Variants in ST8SIA1 observed in about 807,000 individuals in gnomAD.
The protein encoded by ST8SIA1 is ST8 alpha-N-acetyl-neuraminide alpha-2,8-sialyltransferase 1, also known as alpha-N-acetylneuraminide alpha-2,8-sialyltransferase.
A neutral mutation model predicts 35.9 loss-of-function variants in ST8SIA1; 16 were observed. That is an observed-to-expected ratio of 0.45 (90% confidence interval 0.30 to 0.68). The LOEUF (loss-of-function observed/expected upper bound fraction) is 0.68. ST8SIA1 is among the 30% of genes least tolerant of loss of function. The probability of loss-of-function intolerance (pLI) is 0.09; values close to 1 mark genes in which losing one functional copy is unlikely to be tolerated. For missense variants in ST8SIA1, 383 were observed against 453.6 expected (o/e 0.84, Z 1.41); for synonymous variants, 170 against 169.6 (o/e 1.00, Z -0.02).
intron 1 of ST8SIA1, among the ~76,000 whole-genome samples, chr12:22,293,640 C>G (rs1209673647): frequency 6.6e-6 from 1 of 152,214 alleles, no homozygotes; most frequent in East Asian, 1.9e-4. Context: ...AGATATAAAT[C>G]ACTTAGCACA....
chr12:22,298,044 A>C (rs1866268985), intron 1 of ST8SIA1, among the ~76,000 whole-genome samples: 1 of 152,154 alleles, frequency 6.6e-6, no homozygotes, highest in African/African-American at 2.4e-5. Context: ...TAAAAACCCA[A>C]ATTGGCAGGA....
chr12:22,280,996 G>C (rs1248409170), intron 2 of ST8SIA1, among the ~76,000 whole-genome samples: 1 of 152,058 alleles, frequency 6.6e-6, no homozygotes, highest in South Asian at 2.1e-4. Context: ...TATGTTTCCC[G>C]AAATCCCAGC....
chr12:22,226,998 G>A (rs904376938), intron 4 of ST8SIA1, among the ~76,000 whole-genome samples: 30 of 152,058 alleles, frequency 2.0e-4, no homozygotes, highest in African/African-American at 6.8e-4. Context: ...CCAGGCTGGA[G>A]TGCAGTGGCA....
chr12:22,300,712 G>C (rs1332913115), intron 1 of ST8SIA1, among the ~76,000 whole-genome samples: 2 of 152,076 alleles, frequency 1.3e-5, no homozygotes, highest in African/African-American at 4.8e-5. Flanking sequence ...TTTTGTTTAA[G>C]TGAATGACTT....
intron 4 of ST8SIA1, chr12:22,223,793 T>C (rs575786917): frequency 8.1e-5 from 101 of 1,252,094 alleles, no homozygotes; most frequent in Non-Finnish European, 1.0e-4. Context: ...AACCCATTTA[T>C]GCTTAGGCTA....
chr12:22,304,873 T>G (rs1360560868), intron 1 of ST8SIA1, among the ~76,000 whole-genome samples: 1 of 152,186 alleles, frequency 6.6e-6, no homozygotes, highest in African/African-American at 2.4e-5. Flanking sequence ...TATGGTAGAT[T>G]TGTATAATTT....
chr12:22,217,909 T>C (rs993987782), intron 4 of ST8SIA1, among the ~76,000 whole-genome samples: 6 of 152,240 alleles, frequency 3.9e-5, no homozygotes, highest in African/African-American at 1.4e-4. Context: ...TGCATTTGTT[T>C]ATATAGGCAT....
In ST8SIA1 at chr12:22,281,262, A is replaced by G. The variant is rs548063455; in HGVS notation, c.381+5887T>C. 7.2e-5 allele frequency among the ~76,000 whole-genome samples: 11 copies of G among 152,344 alleles called. No homozygotes were observed. In the East Asian group the frequency reaches 1.9e-3, roughly 27 times the overall value. ...TTACTCATAATAATGATACTGAAATATAAAGACCAGGTATTATTTGTCCCA... is the reference window on the plus strand; with the variant it reads ...TTACTCATAATAATGATACTGAAATGTAAAGACCAGGTATTATTTGTCCCA... On this transcript the variant is annotated intron_variant, in intron 2 of 4. Transcript: ENST00000396037.
rs939145187 is a variant in ST8SIA1, at chr12:22,334,573, C to T, written c.-341G>A. On this transcript the variant is annotated 5_prime_UTR_variant, in exon 1 of 5. The change creates a new upstream start codon in the 5' untranslated region. Transcript: ENST00000396037. Reference sequence around the variant, plus strand: ...CGCTCCCGCCGGTTCTGCAGCATCACGGTCGCCCTCGGCGAGGGTCCGGGA... The same window carrying T: ...CGCTCCCGCCGGTTCTGCAGCATCATGGTCGCCCTCGGCGAGGGTCCGGGA... The T allele has an allele frequency of 5.8e-6, 2 of 346,308 alleles. No homozygotes were observed. Among genetic ancestry groups the T allele is most frequent in the Non-Finnish European group, 1.1e-5 (2 of 186,206 alleles). The allele number at this position is 346,308 out of a possible 1,614,324, so 21.5% of individuals were successfully genotyped here. A position where few individuals can be genotyped will look rare whatever the true frequency, so the allele number is the denominator to read the frequency against.
chr12:22,258,419 A>G (rs1348651115), intron 2 of ST8SIA1, among the ~76,000 whole-genome samples: 1 of 151,974 alleles, frequency 6.6e-6, no homozygotes, highest in African/African-American at 2.4e-5. Context: ...AAGTCAGGAG[A>G]CTGGATGGTG....
At chr12:22,260,641 T>TA (rs1387794681) in intron 2 of ST8SIA1, among the ~76,000 whole-genome samples, 1 of 152,130 alleles carries the variant, frequency 6.6e-6, no homozygotes, top group Non-Finnish European at 1.5e-5. Flanking sequence ...CAAGGCATGA[T>TA]AAAAAACCAT....
intron 4 of ST8SIA1, among the ~76,000 whole-genome samples, chr12:22,218,852 A>AAAAAG (rs1352229818): frequency 5.9e-5 from 9 of 151,802 alleles, no homozygotes; most frequent in Admixed American, 5.9e-4. Flanking sequence ...AAATAAAATA[A>AAAAAG]AAAAGAAATA....
At chr12:22,255,134 G>A in intron 3 of ST8SIA1, 146 bp downstream of exon 3, 2 of 669,872 alleles carry the variant, frequency 3.0e-6, no homozygotes, top group Admixed American at 2.5e-5. Context: ...TCCTAAACTC[G>A]CTTGTCTATG....
chr12:22,217,369 TA>T (rs1222484945), intron 4 of ST8SIA1, among the ~76,000 whole-genome samples: 1 of 152,164 alleles, frequency 6.6e-6, no homozygotes. Flanking sequence ...ACCATTTAAG[TA>T]AAAAAATGGA....
intron 2 of ST8SIA1, among the ~76,000 whole-genome samples, chr12:22,277,777 A>G (rs544833828): frequency 6.6e-6 from 1 of 152,202 alleles, no homozygotes; most frequent in South Asian, 2.1e-4. Context: ...GGAAATATTT[A>G]TGAAATAAAC....
chr12:22,210,565 A>T (rs571552033), intron 4 of ST8SIA1, among the ~76,000 whole-genome samples: 29 of 152,250 alleles, frequency 1.9e-4, no homozygotes, highest in African/African-American at 5.5e-4. Flanking sequence ...ACCCCACAAG[A>T]CACCCTTCAA....
At chr12:22,226,949 T>TTTG (rs567493377) in intron 4 of ST8SIA1, among the ~76,000 whole-genome samples, 15 of 152,056 alleles carry the variant, frequency 9.9e-5, no homozygotes, top group African/African-American at 3.4e-4. Context: ...TGTTTGTTTG[T>TTTG]TTGTTGTTGT....
chr12:22,250,508 T>G (rs1270402880), intron 3 of ST8SIA1, among the ~76,000 whole-genome samples: 1 of 152,250 alleles, frequency 6.6e-6, no homozygotes, highest in Non-Finnish European at 1.5e-5. Context: ...TTTCTCCTCT[T>G]CAACCATATG....
At chr12:22,249,405 A>G (rs1001513273) in intron 3 of ST8SIA1, among the ~76,000 whole-genome samples, 2 of 151,966 alleles carry the variant, frequency 1.3e-5, no homozygotes, top group Non-Finnish European at 2.9e-5. Context: ...TATTTTTAGT[A>G]GAGACGGAGT....
Sources: allele counts gnomAD v4.1 joint callset (sites outside exome capture counted in the v4.1 genomes callset), GRCh38; gene constraint gnomAD v4.1.1; transcripts MANE v1.5; gene names NCBI Gene and HGNC (gene_info 2026-07-23, HGNC 2026-07-21).